The following SAMSN1 variants were observed in gnomAD, a reference collection of about 807,000 sequenced individuals.
SAMSN1 encodes SAM domain-containing protein SAMSN-1.
Under a neutral mutation model 42.0 loss-of-function variants are expected in SAMSN1, and 31 were observed. That is an observed-to-expected ratio of 0.74 (90% CI 0.55 to 1.00). The LOEUF (loss-of-function observed/expected upper bound fraction) is 1.00. SAMSN1 is among the 50% of genes least tolerant of loss of function. SAMSN1 has a pLI of 0.00. For synonymous variants in SAMSN1, 178 were observed against 151.9 expected, an observed-to-expected ratio of 1.17 and a Z score of -1.26; for missense variants, 464 against 439.4, an observed-to-expected ratio of 1.06 and a Z score of -0.50.
At position 14,546,209 on chromosome 21, in the gene SAMSN1, G is replaced by T; in HGVS notation, c.53C>A (p.Pro18Gln). Reference protein sequence around the residue: ...NVSEKEKHQKPKRSSSFGNFD... With the variant: ...NVSEKEKHQKQKRSSSFGNFD... ...CTATGTATGAAATCACCTTACCTTTGGTTTTTGATGTTTCTCCTTCTCTGA... is the reference window on the plus strand; with the variant it reads ...CTATGTATGAAATCACCTTACCTTTTGTTTTTGATGTTTCTCCTTCTCTGA... The change falls in exon 1 of 8, where the codon CCA becomes CAA. Residue 18 changes from proline (P) to glutamine (Q), a missense_variant. Transcript: ENST00000400566. 2 of 1,612,126 alleles carry T rather than the reference G, an allele frequency of 1.2e-6. No homozygotes were observed. Among genetic ancestry groups the T allele is most frequent in the South Asian group, 2.2e-5 (2 of 91,000 alleles).
intron 1 of SAMSN1, chr21:14,643,146 G>A (rs896405330): frequency 1.4e-6 from 1 of 716,312 alleles, no homozygotes; most frequent in Non-Finnish European, 2.6e-6. Flanking sequence ...GCAATACAGA[G>A]ATTTATGAGT....
At position 14,521,142 on chromosome 21, in the gene SAMSN1, C is replaced by G; in HGVS notation, c.129+8G>C. ...ATAACATTCATAAAAATGGAATAAA[C>G]TACGAACCTCAGTTGAATCATCTGG... On this transcript the variant is annotated splice_region_variant and intron_variant, in intron 2 of 7. Coordinates refer to ENST00000400566, the MANE Select transcript of SAMSN1 (RefSeq NM_022136.5). The G allele has an allele frequency of 3.2e-6, 5 of 1,573,758 alleles. No individual in the cohort carries two copies. The highest frequency in any genetic ancestry group is 4.4e-6 in the Non-Finnish European group (5 of 1,149,292).
intron 5 of SAMSN1, among the ~76,000 whole-genome samples, chr21:14,603,708 A>G (rs1297155992): frequency 6.6e-6 from 1 of 152,230 alleles, no homozygotes; most frequent in Non-Finnish European, 1.5e-5. Context: ...GAATTTGGGC[A>G]TAAACCATTA....
chr21:14,500,006 T>C (rs183583039), intron 6 of SAMSN1, among the ~76,000 whole-genome samples: 95 of 152,254 alleles, frequency 6.2e-4, no homozygotes, highest in African/African-American at 2.2e-3. Context: ...AAAATCATAA[T>C]TGGGTTACAG....
intron 2 of SAMSN1, among the ~76,000 whole-genome samples, chr21:14,519,531 G>T (rs1159246204): frequency 6.6e-6 from 1 of 151,796 alleles, no homozygotes; most frequent in East Asian, 1.9e-4. Flanking sequence ...CATATATGTG[G>T]CCAGGGGGAG....
At chr21:14,583,457 C>T (rs1366127080), upstream of SAMSN1, 4 of 522,726 alleles carry the variant, frequency 7.7e-6, no homozygotes, top group East Asian at 3.3e-5. Context: ...CAAGGAGAAA[C>T]GGGGCGGTGC....
intron 1 of SAMSN1, among the ~76,000 whole-genome samples, chr21:14,540,812 T>C (rs1026622786): frequency 1.3e-5 from 2 of 152,224 alleles, no homozygotes; most frequent in African/African-American, 4.8e-5. Flanking sequence ...TAAATCATGC[T>C]GCTATAAAGA....
At chr21:14,618,709 C>T (rs59632562) in intron 2 of SAMSN1, among the ~76,000 whole-genome samples, 28,416 of 144,952 alleles carry the variant, frequency 0.2, 3,667 homozygotes, top group African/African-American at 0.38. Flanking sequence ...CGCGCACGCG[C>T]GTGTGTGTGT....
At chr21:14,544,991 A>G (rs1213186133) in intron 1 of SAMSN1, among the ~76,000 whole-genome samples, 1 of 152,078 alleles carries the variant, frequency 6.6e-6, no homozygotes, top group Non-Finnish European at 1.5e-5. Flanking sequence ...GCTTTTAAAA[A>G]CTTTTCTGTA....
At chr21:14,605,608 A>G (rs1038772386) in intron 5 of SAMSN1, among the ~76,000 whole-genome samples, 8 of 152,302 alleles carry the variant, frequency 5.3e-5, no homozygotes, top group Admixed American at 3.9e-4. Context: ...TAAGATCTTG[A>G]AAAATTAAGC....
chr21:14,647,002 A>T (rs574013900), intron 1 of SAMSN1, among the ~76,000 whole-genome samples: 1 of 152,198 alleles, frequency 6.6e-6, no homozygotes, highest in African/African-American at 2.4e-5. Context: ...GGAGAGAAAG[A>T]AGGAAGATAA....
chr21:14,651,225 A>G (rs995956167), intron 1 of SAMSN1, among the ~76,000 whole-genome samples: 6 of 150,180 alleles, frequency 4.0e-5, no homozygotes, highest in Non-Finnish European at 8.9e-5. Context: ...AGACACATCA[A>G]AAAAAAAAGA....
Position 14,534,253 on chromosome 21 carries a change from C to T in SAMSN1, c.57+11952G>A, listed in dbSNP as rs112091913. ...AAATCACTACTATGTTCTATACTAT[C>T]AATGTTTTCAGTGGTGGCCAAAGTG... is the stretch of plus-strand genomic sequence containing the variant. On this transcript the variant is annotated intron_variant, in intron 1 of 7. Coordinates refer to ENST00000400566, the MANE Select transcript of SAMSN1 (RefSeq NM_022136.5). Among the ~76,000 whole-genome samples the T allele has an allele frequency of 1.3e-3, 205 of 152,272 alleles. 1 individual carries two copies. Among genetic ancestry groups the T allele is most frequent in the African/African-American group, 4.6e-3 (191 of 41,544 alleles).
intron 1 of SAMSN1, among the ~76,000 whole-genome samples, chr21:14,650,778 CTT>C (rs879204761): frequency 2.0e-5 from 3 of 151,690 alleles, no homozygotes; most frequent in Admixed American, 6.6e-5. Context: ...AGTTAACAAA[CTT>C]TTAGACAGAC....
intron 1 of SAMSN1, among the ~76,000 whole-genome samples, chr21:14,538,758 TG>T (rs1456858317): frequency 6.6e-6 from 1 of 152,080 alleles, no homozygotes; most frequent in South Asian, 2.1e-4. Flanking sequence ...CAAATGCAAA[TG>T]GGAAAGAATG....
chr21:14,511,866 A>G (rs1194988623), intron 4 of SAMSN1, among the ~76,000 whole-genome samples: 4 of 152,168 alleles, frequency 2.6e-5, no homozygotes, highest in Non-Finnish European at 5.9e-5. Context: ...TAGTCCTACC[A>G]TTTATTATTT....
intron 2 of SAMSN1, among the ~76,000 whole-genome samples, chr21:14,630,165 C>G (rs1983293560): frequency 6.6e-6 from 1 of 152,162 alleles, no homozygotes; most frequent in Admixed American, 6.5e-5. Context: ...GGCTTGCTCT[C>G]CCAGGGCTGC....
chr21:14,606,845 C>A (rs759666104), intron 5 of SAMSN1, among the ~76,000 whole-genome samples: 3 of 152,068 alleles, frequency 2.0e-5, no homozygotes, highest in Admixed American at 6.6e-5. Context: ...TGGTCTTAAC[C>A]TATATAGTAC....
chr21:14,504,334 A>G (rs1987307509), intron 5 of SAMSN1, among the ~76,000 whole-genome samples: 1 of 152,220 alleles, frequency 6.6e-6, no homozygotes, highest in Non-Finnish European at 1.5e-5. Context: ...GGTGAAGCGC[A>G]AGGTAAGGAA....
Sources: gnomAD v4.1 joint callset for allele counts (sites outside exome capture counted in the v4.1 genomes callset) on GRCh38, gnomAD v4.1.1 for gene constraint, MANE v1.5 for transcripts, NCBI Gene and HGNC (gene_info 2026-07-23, HGNC 2026-07-21) for gene names.